Variants in SLC24A2 observed in about 807,000 individuals in gnomAD.
SLC24A2 encodes the protein solute carrier family 24 member 2.
A neutral mutation model predicts 62.0 loss-of-function variants in SLC24A2; 36 were observed. The ratio of observed to expected loss-of-function variants is 0.58; its 90% CI spans 0.44 to 0.77. SLC24A2 has a LOEUF of 0.77. Among genes scored for constraint, SLC24A2 ranks in the 30% least tolerant of loss-of-function variants. SLC24A2 has a pLI of 0.00. For missense variants in SLC24A2, 846 were observed against 817.9 expected (o/e 1.03, Z -0.42); for synonymous variants, 358 against 294.0 (o/e 1.22, Z -2.23).
chr9:19,908,562 G>A, the SLC24A2 span, among the ~76,000 whole-genome samples: 1 of 152,280 alleles, frequency 6.6e-6, no homozygotes, highest in East Asian at 1.9e-4. Context: ...TACAGAATGA[G>A]AGAAAATTTT....
chr9:19,592,147 A>C (rs1054970018), intron 5 of SLC24A2, among the ~76,000 whole-genome samples: 1 of 152,244 alleles, frequency 6.6e-6, no homozygotes, highest in African/African-American at 2.4e-5. Flanking sequence ...GGGGTTTTCA[A>C]AACAGCCACA....
chr9:20,204,339 C>T, the SLC24A2 span, among the ~76,000 whole-genome samples: 3 of 152,166 alleles, frequency 2.0e-5, no homozygotes, highest in Non-Finnish European at 2.9e-5. Flanking sequence ...ACTGCGTTGC[C>T]ACGTCTTCTG....
chr9:20,185,534 G>T, the SLC24A2 span, among the ~76,000 whole-genome samples: 1,297 of 151,756 alleles, frequency 8.5e-3, 19 homozygotes, highest in African/African-American at 0.03. Context: ...GCGTGGTTGT[G>T]GGCGCCTGTA....
chr9:19,695,326 A>T (rs1031835211), intron 2 of SLC24A2, among the ~76,000 whole-genome samples: 8 of 152,172 alleles, frequency 5.3e-5, no homozygotes, highest in Non-Finnish European at 1.2e-4. Flanking sequence ...TTACTCACAC[A>T]GGACTTCCAA....
chr9:19,600,413 G>A (rs908746052), intron 4 of SLC24A2, among the ~76,000 whole-genome samples: 1 of 152,180 alleles, frequency 6.6e-6, no homozygotes, highest in Non-Finnish European at 1.5e-5. Flanking sequence ...AGGAATGAAA[G>A]TTGCCCATTA....
intron 5 of SLC24A2, among the ~76,000 whole-genome samples, chr9:19,588,170 CT>C (rs1416315636): frequency 1.5e-4 from 12 of 82,562 alleles, no homozygotes; most frequent in South Asian, 5.8e-4. Context: ...AGTTTTTTTT[CT>C]TTTTTTCTTT....
chr9:19,542,080 C>G (rs1283998032), intron 8 of SLC24A2, among the ~76,000 whole-genome samples: 1 of 152,186 alleles, frequency 6.6e-6, no homozygotes, highest in Non-Finnish European at 1.5e-5. Context: ...ACGGTGCACG[C>G]ACACACTGGC....
At chr9:19,557,414 G>A (rs1178367403) in intron 7 of SLC24A2, among the ~76,000 whole-genome samples, 1 of 152,190 alleles carries the variant, frequency 6.6e-6, no homozygotes, top group Non-Finnish European at 1.5e-5. Context: ...CGAAGGCGGT[G>A]GTTCTTATCC....
chr9:19,780,354 G>C (rs1587317112), intron 2 of SLC24A2, among the ~76,000 whole-genome samples: 1 of 150,214 alleles, frequency 6.7e-6, no homozygotes, highest in African/African-American at 2.4e-5. Flanking sequence ...TGCAATCTCT[G>C]AAGCCCGGGT....
chr9:20,081,776 C>T, the SLC24A2 span, among the ~76,000 whole-genome samples: 1 of 152,024 alleles, frequency 6.6e-6, no homozygotes, highest in Admixed American at 6.6e-5. Flanking sequence ...CATTACTGGC[C>T]TATATTTTTC....
At chr9:19,818,283 T>C in the SLC24A2 span, among the ~76,000 whole-genome samples, 18 of 152,218 alleles carry the variant, frequency 1.2e-4, no homozygotes, top group Admixed American at 2.6e-4. Flanking sequence ...TCTTAATTTG[T>C]GTGGCTAGCT....
At chr9:19,833,329 A>G in the SLC24A2 span, among the ~76,000 whole-genome samples, 1 of 152,132 alleles carries the variant, frequency 6.6e-6, no homozygotes, top group Non-Finnish European at 1.5e-5. Flanking sequence ...TTTCCTAGTA[A>G]AAGAAAGGGG....
the SLC24A2 span, among the ~76,000 whole-genome samples, chr9:20,277,066 T>G: frequency 1.3e-5 from 2 of 152,204 alleles, no homozygotes; most frequent in Non-Finnish European, 2.9e-5. Flanking sequence ...GGCTCCTCAT[T>G]ACCTTTGCAA....
chr9:19,553,959 C>A (rs1030628997), intron 7 of SLC24A2, among the ~76,000 whole-genome samples: 1 of 152,114 alleles, frequency 6.6e-6, no homozygotes. Context: ...TTCCTTCTCC[C>A]CCACCCAAAT....
chr9:20,225,634 T>C, the SLC24A2 span, among the ~76,000 whole-genome samples: 1 of 135,208 alleles, frequency 7.4e-6, no homozygotes, highest in African/African-American at 3.0e-5. Context: ...CCCATTCTAC[T>C]TATCTCCCTG....
At chr9:20,194,075 A>AG in the SLC24A2 span, among the ~76,000 whole-genome samples, 1 of 152,058 alleles carries the variant, frequency 6.6e-6, no homozygotes, top group Non-Finnish European at 1.5e-5. Context: ...AAAAAGATTG[A>AG]GCTGGGTTTT....
At chr9:19,974,895 G>A in the SLC24A2 span, among the ~76,000 whole-genome samples, 14 of 152,166 alleles carry the variant, frequency 9.2e-5, no homozygotes, top group African/African-American at 3.4e-4. Flanking sequence ...GTCCCGTCAG[G>A]GTTACAAGAT....
chr9:19,533,916 T>C (rs1377526613), intron 8 of SLC24A2, among the ~76,000 whole-genome samples: 1 of 152,244 alleles, frequency 6.6e-6, no homozygotes, highest in African/African-American at 2.4e-5. Context: ...ATATGCAGAA[T>C]ACACCCATAT....
At chr9:20,217,834 C>T in the SLC24A2 span, among the ~76,000 whole-genome samples, 1 of 152,294 alleles carries the variant, frequency 6.6e-6, no homozygotes, top group Non-Finnish European at 1.5e-5. Context: ...GCCTATATTC[C>T]TGATCCCAGT....
Sources: gnomAD v4.1 joint callset for allele counts (sites outside exome capture counted in the v4.1 genomes callset) on GRCh38, gnomAD v4.1.1 for gene constraint, MANE v1.5 for transcripts, NCBI Gene and HGNC (gene_info 2026-07-23, HGNC 2026-07-21) for gene names.